Variants in PCDH10 observed in about 807,000 individuals in gnomAD.
The protein encoded by PCDH10 is protocadherin 10, also known as protocadherin-10.
Under a neutral mutation model 74.4 loss-of-function variants are expected in PCDH10, and 15 were observed. The ratio of observed to expected loss-of-function variants is 0.20; its 90% CI spans 0.13 to 0.31. The LOEUF is 0.31. PCDH10 is among the 10% of genes least tolerant of loss of function. The pLI is 1.00. For missense variants in PCDH10, 1,260 were observed against 1,390.2 expected, an observed-to-expected ratio of 0.91 and a Z score of 1.49; for synonymous variants, 619 against 589.8, an observed-to-expected ratio of 1.05 and a Z score of -0.72.
At position 133,194,517 on chromosome 4, in the gene PCDH10, C is replaced by A. The variant is rs1727752193; in HGVS notation, c.*4357C>A. Reference sequence around the variant, plus strand: ...ACTACAGTGTTTGTTACTGTGAATGCTATAATAATACATAAGTAAAATGAG... The same window carrying A: ...ACTACAGTGTTTGTTACTGTGAATGATATAATAATACATAAGTAAAATGAG... On this transcript the variant is annotated 3_prime_UTR_variant, in exon 5 of 5. Coordinates refer to ENST00000264360, the MANE Select transcript of PCDH10 (RefSeq NM_032961.3). The A allele has an allele frequency of 1.3e-5, 2 of 151,840 alleles. No individual in the cohort carries two copies. Among genetic ancestry groups the A allele is most frequent in the East Asian group, 3.9e-4 (2 of 5,168 alleles). 9.4% of individuals were successfully genotyped at this position (151,840 alleles called of 1,614,324 possible). A position where few individuals can be genotyped will look rare whatever the true frequency, so the allele number is the denominator to read the frequency against.
exon 3 of PCDH10, chr4:133,208,387 T>C (rs1195697842): frequency 6.6e-6 from 1 of 152,252 alleles, no homozygotes; most frequent in Non-Finnish European, 1.5e-5. Context: ...AATCCTATTG[T>C]CTGATACAGT....
chr4:133,195,011 AAG>A (rs1204733384), downstream of PCDH10, among the ~76,000 whole-genome samples: 5 of 152,028 alleles, frequency 3.3e-5, no homozygotes, highest in Admixed American at 6.6e-5. Context: ...CAATAAAAGA[AAG>A]GGATTTTATC....
downstream of PCDH10, among the ~76,000 whole-genome samples, chr4:133,197,448 A>C (rs918786055): frequency 2.0e-5 from 3 of 152,080 alleles, no homozygotes; most frequent in Non-Finnish European, 4.4e-5. Flanking sequence ...CCTCCTCTTT[A>C]CTTATTTTTT....
At chr4:133,182,916 A>T (rs892279254) in intron 4 of PCDH10, among the ~76,000 whole-genome samples, 1 of 152,106 alleles carries the variant, frequency 6.6e-6, no homozygotes. Flanking sequence ...ACAAAATTCT[A>T]TGCTAGTACA....
chr4:133,152,796 C>T (rs1189014986), intron 1 of PCDH10, 25 bp downstream of exon 1: 2 of 1,613,636 alleles, frequency 1.2e-6, no homozygotes, highest in Non-Finnish European at 1.7e-6. Flanking sequence ...AAAGGACCAC[C>T]ATCTCTCATC....
chr4:133,187,743 T>G (rs1052478252), intron 4 of PCDH10, among the ~76,000 whole-genome samples: 1 of 152,146 alleles, frequency 6.6e-6, no homozygotes, highest in Admixed American at 6.6e-5. Context: ...ATTTAAGATA[T>G]TGAGTATAAT....
At chr4:133,186,135 A>C (rs563350255) in intron 4 of PCDH10, among the ~76,000 whole-genome samples, 71 of 152,254 alleles carry the variant, frequency 4.7e-4, no homozygotes, top group East Asian at 1.7e-3. Context: ...TATAAAGAAA[A>C]ATATACACCA....
intron 4 of PCDH10, among the ~76,000 whole-genome samples, chr4:133,163,506 C>T (rs575516390): frequency 1.3e-5 from 2 of 152,170 alleles, no homozygotes; most frequent in African/African-American, 4.8e-5. Context: ...AAATATAGGA[C>T]TATATTCTCC....
At position 133,192,994 on chromosome 4, in the gene PCDH10, C is replaced by A. The variant is rs1727712069; in HGVS notation, c.*2834C>A. Reference sequence around the variant, plus strand: ...AAAGAATAATATCCATCGTATTAGACAGTATTTCGTCAATAAATTATTTCA... The same window carrying A: ...AAAGAATAATATCCATCGTATTAGAAAGTATTTCGTCAATAAATTATTTCA... On this transcript the variant is annotated 3_prime_UTR_variant, in exon 5 of 5. Coordinates refer to ENST00000264360, the MANE Select transcript of PCDH10 (RefSeq NM_032961.3). The A allele has an allele frequency of 6.7e-6, 1 of 149,192 alleles. No individual in the cohort carries two copies. Among genetic ancestry groups the A allele is most frequent in the African/African-American group, 2.5e-5 (1 of 39,830 alleles). 9.2% of individuals were successfully genotyped at this position (149,192 alleles called of 1,614,324 possible).
At chr4:133,200,944 T>C (rs1421811099) in intron 2 of PCDH10, among the ~76,000 whole-genome samples, 1 of 152,124 alleles carries the variant, frequency 6.6e-6, no homozygotes, top group African/African-American at 2.4e-5. Context: ...ACGATGATTC[T>C]CTCATATAAG....
chr4:133,182,228 T>G (rs1727431892), intron 4 of PCDH10, among the ~76,000 whole-genome samples: 1 of 152,108 alleles, frequency 6.6e-6, no homozygotes, highest in African/African-American at 2.4e-5. Context: ...TCATGCCTTC[T>G]GTTTTGAAAA....
At chr4:133,162,755 C>G (rs1345978010) in intron 3 of PCDH10, among the ~76,000 whole-genome samples, 1 of 152,114 alleles carries the variant, frequency 6.6e-6, no homozygotes, top group Non-Finnish European at 1.5e-5. Flanking sequence ...GGCCTCTTTG[C>G]CAGAAGAGTC....
intron 2 of PCDH10, among the ~76,000 whole-genome samples, chr4:133,201,267 A>G (rs1337003907): frequency 1.3e-5 from 2 of 152,212 alleles, no homozygotes; most frequent in Non-Finnish European, 2.9e-5. Context: ...ATAGGAAGGC[A>G]TGTAAAGGAT....
rs1405431772 is a variant in PCDH10, at chr4:133,192,724, A to G, written c.*2564A>G. The G allele has an allele frequency of 5.9e-5, 9 of 151,648 alleles. No homozygotes were observed. Among genetic ancestry groups the G allele is most frequent in the Non-Finnish European group, 1.3e-4 (9 of 67,638 alleles). 9.4% of individuals were successfully genotyped at this position (151,648 alleles called of 1,614,324 possible). On this transcript the variant is annotated 3_prime_UTR_variant, in exon 5 of 5. Transcript: ENST00000264360. ...TAAAATGCTACATTATTAGGTCATT[A>G]ATCAACTTATCTGTTGCATCCAAAG...
downstream of PCDH10, among the ~76,000 whole-genome samples, chr4:133,199,287 CAAAA>C (rs1473486242): frequency 1.8e-5 from 1 of 56,818 alleles, no homozygotes; most frequent in Admixed American, 2.4e-4. Flanking sequence ...AACCCTGTCT[CAAAA>C]TAATAATAAT....
intron 1 of PCDH10, chr4:133,153,435 T>A: frequency 6.2e-6 from 1 of 162,000 alleles, no homozygotes; most frequent in Non-Finnish European, 1.3e-5. Flanking sequence ...CTGTTAAGAG[T>A]AAACTAACGA....
intron 2 of PCDH10, among the ~76,000 whole-genome samples, chr4:133,202,100 A>C (rs1461502193): frequency 1.3e-5 from 2 of 152,104 alleles, no homozygotes; most frequent in East Asian, 3.9e-4. Flanking sequence ...ATGCAGTGGA[A>C]GAAACTCCCT....
intron 4 of PCDH10, among the ~76,000 whole-genome samples, chr4:133,175,671 A>T (rs1244064343): frequency 6.6e-6 from 1 of 152,112 alleles, no homozygotes; most frequent in Non-Finnish European, 1.5e-5. Context: ...CTTGCTAGTG[A>T]CCACACATGG....
chr4:133,200,753 C>T (rs1727892904), intron 2 of PCDH10, among the ~76,000 whole-genome samples: 1 of 152,142 alleles, frequency 6.6e-6, no homozygotes, highest in African/African-American at 2.4e-5. Flanking sequence ...ACAACCCACC[C>T]TAATCCTTTC....
Sources: gnomAD v4.1 joint callset for allele counts (sites outside exome capture counted in the v4.1 genomes callset) on GRCh38, gnomAD v4.1.1 for gene constraint, MANE v1.5 for transcripts, NCBI Gene and HGNC (gene_info 2026-07-23, HGNC 2026-07-21) for gene names.